MADCAM1: variants seen among roughly 807,000 people sequenced by gnomAD.
MADCAM1 encodes the protein mucosal vascular addressin cell adhesion molecule 1.
A neutral mutation model predicts 26.1 loss-of-function variants in MADCAM1; 19 were observed. The observed-to-expected ratio is 0.73, with a 90% CI of 0.51 to 1.07. The LOEUF (loss-of-function observed/expected upper bound fraction) is 1.07. Among genes scored for constraint, MADCAM1 ranks in the 50% least tolerant of loss-of-function variants. The pLI, the probability that MADCAM1 is intolerant of heterozygous loss-of-function variation, is 0.00. For synonymous variants in MADCAM1, 268 were observed against 260.9 expected, an observed-to-expected ratio of 1.03 and a Z score of -0.26; for missense variants, 514 against 542.1, an observed-to-expected ratio of 0.95 and a Z score of 0.51.
Position 498,609 on chromosome 19 carries a change from C to A in MADCAM1, c.451C>A (p.Leu151Met), listed in dbSNP as rs1427822226. The change falls in exon 3 of 5, where the codon CTG becomes ATG. Residue 151 changes from leucine (L) to methionine (M), a missense_variant. Around this residue, in one of 3 missense-constraint regions of MADCAM1, gnomAD observed 317 missense variants for 313.6 expected, o/e 1.01. Transcript: ENST00000215637. ...GGACCCCAACGCGCTCTCCTTCTCC[C>A]TGCTCGTCGGGGGCCAGGAACTGGA... Reference protein sequence around the residue: ...PVDPNALSFSLLVGGQELEGA... With the variant: ...PVDPNALSFSMLVGGQELEGA... The A allele has an allele frequency of 2.8e-5, 42 of 1,482,318 alleles. No homozygotes were observed. The highest frequency in any genetic ancestry group is 3.7e-5 in the Non-Finnish European group (42 of 1,121,366). The allele number at this position is 1,482,318 out of a possible 1,614,324, so 91.8% of individuals were successfully genotyped here.
chr19:497,942 CG>C lies in MADCAM1; in HGVS notation c.166del (p.Ala56ProfsTer63), dbSNP rs1300878580. ...LTCRLACADR[G>X]ASVQWRGLDT... ...CCTGCCGCCTGGCCTGCGCGGACCG[CG>C]GGGCCTCGGTGCAGTGGCGGGGCCT... On this transcript the variant is annotated frameshift_variant, in exon 2 of 5. Coordinates refer to ENST00000215637, the MANE Select transcript of MADCAM1 (RefSeq NM_130760.3). LOFTEE classifies it high-confidence loss of function. 7.0e-7 allele frequency: 1 copy of C among 1,430,312 alleles called. No homozygotes were observed. The highest frequency in any genetic ancestry group is 9.1e-7 in the Non-Finnish European group (1 of 1,098,422). The allele number at this position is 1,430,312 out of a possible 1,614,324, so 88.6% of individuals were successfully genotyped here.
chr19:498,551 G>T lies in MADCAM1; in HGVS notation c.393G>T (p.Glu131Asp). The change falls in exon 3 of 5, where the codon GAG becomes GAT. Residue 131 changes from glutamate (E) to aspartate (D), a missense_variant. Physicochemically the swap from Glu to Asp is conservative, Grantham distance 45 (BLOSUM62 2). Around this residue, in one of 3 missense-constraint regions of MADCAM1, gnomAD observed 317 missense variants for 313.6 expected, o/e 1.01. Transcript: ENST00000215637. ...CAGCCCTGGTGCCTGGTGACCCGGA[G>T]GTGGCCTGTACGGCCCACAAAGTCA... ...SPAALVPGDP[E>D]VACTAHKVTP... 6.8e-7 allele frequency: 1 copy of T among 1,472,532 alleles called. No homozygotes were observed. 91.2% of individuals were successfully genotyped at this position (1,472,532 alleles called of 1,614,324 possible).
chr19:499,413 T>G (rs1470560066), intron 3 of MADCAM1: 1 of 447,272 alleles, frequency 2.2e-6, no homozygotes, highest in Admixed American at 2.4e-5. Flanking sequence ...AGCACACACA[T>G]GTACAAACAC....
chr19:497,717 G>T (rs1479957430), intron 1 of MADCAM1, 116 bp from the exon 2 acceptor site: 1 of 852,434 alleles, frequency 1.2e-6, no homozygotes, highest in African/African-American at 1.8e-5. Context: ...TGCAGCGGAG[G>T]GTCCGGGAAC....
In MADCAM1 at chr19:501,850, G is replaced by A. The variant is rs779226163; in HGVS notation, c.849G>A (p.Arg283=). ...AGCAGGGCTCCACACACACCCCCAGGAGCCCAGGCTCCACCAGGACTCGCC... is the reference window on the plus strand; with the variant it reads ...AGCAGGGCTCCACACACACCCCCAGAAGCCCAGGCTCCACCAGGACTCGCC... ...APQQGSTHTP[R]SPGSTRTRRP... is the part of the protein sequence containing the mutation. Residue 283 remains arginine (R), a synonymous_variant, in exon 4 of 5, where the codon AGG becomes AGA. Coordinates refer to ENST00000215637, the MANE Select transcript of MADCAM1 (RefSeq NM_130760.3). 1.3e-6 allele frequency: 2 copies of A among 1,557,682 alleles called. No individual in the cohort carries two copies. Among genetic ancestry groups the A allele is most frequent in the African/African-American group, 1.4e-5 (1 of 73,142 alleles).
intron 4 of MADCAM1, among the ~76,000 whole-genome samples, chr19:504,255 C>CATTTTTTT (rs1270034691): frequency 2.3e-5 from 2 of 88,150 alleles, no homozygotes; most frequent in African/African-American, 4.2e-5. Flanking sequence ...CCGGTCTGCC[C>CATTTTTTT]TTTTTTTTTT....
intron 1 of MADCAM1, 45 bp from the exon 2 acceptor site, chr19:497,788 G>T: frequency 8.1e-7 from 1 of 1,240,272 alleles, no homozygotes; most frequent in East Asian, 3.2e-5. Flanking sequence ...GGCGGGGCGG[G>T]GTCCGGGACT....
intron 4 of MADCAM1, among the ~76,000 whole-genome samples, chr19:504,259 T>A (rs959046670): frequency 0.013 from 1,722 of 135,784 alleles, 84 homozygotes; most frequent in South Asian, 0.12. Flanking sequence ...TCTGCCCTTT[T>A]TTTTTTTTTT....
intron 4 of MADCAM1, 125 bp from the exon 5 acceptor site, chr19:504,620 C>T: frequency 4.3e-6 from 3 of 693,576 alleles, no homozygotes; most frequent in South Asian, 1.9e-5. Context: ...TGGTAAAGTC[C>T]TTTGTGAAAT....
At chr19:501,967 G>A in intron 4 of MADCAM1, 38 bp downstream of exon 4, 1 of 1,454,280 alleles carries the variant, frequency 6.9e-7, no homozygotes, top group South Asian at 1.4e-5. Context: ...GGGTGGGAAG[G>A]GCTGAGAGCG....
Position 497,958 on chromosome 19 carries a change from T to C in MADCAM1, c.178T>C (p.Trp60Arg). The C allele has an allele frequency of 6.8e-7, 1 of 1,475,182 alleles. No individual in the cohort carries two copies. The highest frequency in any genetic ancestry group is 1.3e-5 in the South Asian group (1 of 77,230). 91.4% of individuals were successfully genotyped at this position (1,475,182 alleles called of 1,614,324 possible). Residue 60 changes from tryptophan (W) to arginine (R), a missense_variant, in exon 2 of 5, where the codon TGG (tryptophan) becomes CGG (arginine). Coordinates refer to ENST00000215637, the MANE Select transcript of MADCAM1 (RefSeq NM_130760.3). Reference protein sequence around the residue: ...ACADRGASVQWRGLDTSLGAV... With the variant: ...ACADRGASVQRRGLDTSLGAV... ...CGCGGACCGCGGGGCCTCGGTGCAGTGGCGGGGCCTGGACACCAGCCTGGG... is the reference window on the plus strand; with the variant it reads ...CGCGGACCGCGGGGCCTCGGTGCAGCGGCGGGGCCTGGACACCAGCCTGGG...
intron 1 of MADCAM1, 49 bp downstream of exon 1, chr19:496,600 T>TCAGGAGAGAGGAGGGGCG (rs1976572419): frequency 1.1e-6 from 1 of 916,838 alleles, no homozygotes; most frequent in Admixed American, 7.3e-5. Flanking sequence ...AGGAGGGGGC[T>TCAGGAGAGAGGAGGGGCG]CAGGAGAGAG....
At chr19:497,355 C>CGGGAGAGGGGAGGGGGCTG (rs1978290865) in intron 1 of MADCAM1, among the ~76,000 whole-genome samples, 1 of 30,682 alleles carries the variant, frequency 3.3e-5, no homozygotes, top group Non-Finnish European at 5.4e-5. Context: ...GGAGGGGGCC[C>CGGGAGAGGGGAGGGGGCTG]GGGGGAGAGG....
chr19:498,394 C>T lies in MADCAM1; in HGVS notation c.338-102C>T, dbSNP rs891782887. On this transcript the variant is annotated intron_variant, in intron 2 of 4. Coordinates refer to ENST00000215637, the MANE Select transcript of MADCAM1 (RefSeq NM_130760.3). The stretch of plus-strand genomic sequence containing the variant: ...ACTGCCTGTTCATCAGCAGCCCCCA[C>T]GCATCCTTGGCCCCAGCTCCAAGCC... 4.1e-6 allele frequency: 5 copies of T among 1,234,110 alleles called. No homozygotes were observed. The African/African-American group carries it at 6.3e-5, about 16-fold the overall frequency. 76.4% of individuals were successfully genotyped at this position (1,234,110 alleles called of 1,614,324 possible).
chr19:503,894 A>G (rs567556146), intron 4 of MADCAM1, among the ~76,000 whole-genome samples: 19 of 152,138 alleles, frequency 1.2e-4, no homozygotes, highest in African/African-American at 4.6e-4. Flanking sequence ...CTAAAAATAC[A>G]AAAATTAGCC....
chr19:501,842 AC>A lies in MADCAM1; in HGVS notation c.846del (p.Arg283GlyfsTer23). On this transcript the variant is annotated frameshift_variant, in exon 4 of 5. Transcript: ENST00000215637. LOFTEE classifies it high-confidence loss of function. ...EPAPQQGSTHTPRSPGSTRTR... is the reference protein window; with the variant it reads ...EPAPQQGSTHXPRSPGSTRTR... ...CGCCCCCCAGCAGGGCTCCACACAC[AC>A]CCCCAGGAGCCCAGGCTCCACCAGG... 6.7e-7 allele frequency: 1 copy of A among 1,501,866 alleles called. No individual in the cohort carries two copies. Among genetic ancestry groups the A allele is most frequent in the Non-Finnish European group, 8.9e-7 (1 of 1,119,738 alleles). The allele number at this position is 1,501,866 out of a possible 1,614,324, so 93.0% of individuals were successfully genotyped here. A position where few individuals can be genotyped will look rare whatever the true frequency, so the allele number is the denominator to read the frequency against.
At chr19:498,282 A>T (rs1267272580) in intron 2 of MADCAM1, among the ~76,000 whole-genome samples, 165 bp downstream of exon 2, 1 of 147,940 alleles carries the variant, frequency 6.8e-6, no homozygotes, top group Non-Finnish European at 1.5e-5. Context: ...ACTCACCCCA[A>T]CTCTCCCAGG....
chr19:497,803 G>T, intron 1 of MADCAM1, 30 bp from the exon 2 acceptor site: 1 of 1,263,012 alleles, frequency 7.9e-7, no homozygotes, highest in Non-Finnish European at 9.9e-7. Flanking sequence ...GGGACTCCGC[G>T]GGGCTGAGCG....
chr19:504,897 C>T lies in MADCAM1; in HGVS notation c.1081C>T (p.Leu361Phe). Residue 361 changes from leucine to phenylalanine, a missense_variant, in exon 5 of 5, where the codon CTT (leucine) becomes TTT (phenylalanine). Around this residue, in one of 3 missense-constraint regions of MADCAM1, gnomAD observed 152 missense variants for 136.7 expected, o/e 1.11. Transcript: ENST00000215637. ...DDTHPPASLR[L>F]LPQVSAWAGL... Reference sequence around the variant, plus strand: ...CACCCACCCACCAGCTTCTCTGAGGCTTCTGCCCCAGGTGTCGGCCTGGGC... The same window carrying T: ...CACCCACCCACCAGCTTCTCTGAGGTTTCTGCCCCAGGTGTCGGCCTGGGC... 1 of 1,612,680 alleles carries T rather than the reference C, an allele frequency of 6.2e-7. No homozygotes were observed. The highest frequency in any genetic ancestry group is 1.1e-5 in the South Asian group (1 of 91,056).
Sources: allele counts gnomAD v4.1 joint callset (sites outside exome capture counted in the v4.1 genomes callset), GRCh38; gene constraint gnomAD v4.1.1; regional missense constraint gnomAD v4.1.1; transcripts MANE v1.5; gene names NCBI Gene and HGNC (gene_info 2026-07-23, HGNC 2026-07-21).